Variants in PCDHGA2 observed in about 807,000 individuals in gnomAD.
PCDHGA2 encodes the protein protocadherin gamma subfamily A, 2.
A neutral mutation model predicts 59.2 loss-of-function variants in PCDHGA2; 40 were observed. That is an observed-to-expected ratio of 0.68 (90% CI 0.52 to 0.88). The LOEUF is 0.88. PCDHGA2 is among the 40% of genes least tolerant of loss of function. The pLI is 0.00. For missense variants in PCDHGA2, 1,226 were observed against 1,204.0 expected, an observed-to-expected ratio of 1.02 and a Z score of -0.27; for synonymous variants, 560 against 526.0, an observed-to-expected ratio of 1.06 and a Z score of -0.89.
chr5:141,356,781 C>A, intron 1 of PCDHGA2: 1 of 1,613,996 alleles, frequency 6.2e-7, no homozygotes, highest in African/African-American at 1.3e-5. Context: ...AGTTTAGAGA[C>A]CTGCAGCTGC....
intron 1 of PCDHGA2, chr5:141,371,329 G>A: frequency 6.2e-7 from 1 of 1,613,968 alleles, no homozygotes; most frequent in Non-Finnish European, 8.5e-7. Flanking sequence ...TTTGAAGAGA[G>A]AGATAGCTAC....
intron 1 of PCDHGA2, chr5:141,389,183 T>C: frequency 6.2e-7 from 1 of 1,613,988 alleles, no homozygotes. Context: ...TCTCCTCCAG[T>C]TCCAGCATCA....
chr5:141,366,382 T>C (rs1447635844), intron 1 of PCDHGA2: 2 of 1,614,012 alleles, frequency 1.2e-6, no homozygotes, highest in East Asian at 2.2e-5. Flanking sequence ...CCATTGACCC[T>C]GAGGATCTGG....
chr5:141,360,127 AG>A, intron 1 of PCDHGA2: 4 of 1,586,256 alleles, frequency 2.5e-6, no homozygotes, highest in Non-Finnish European at 2.6e-6. Context: ...GAGCAAAGGG[AG>A]CCAGAAGATG....
At chr5:141,459,245 C>G (rs1040972875) in intron 1 of PCDHGA2, among the ~76,000 whole-genome samples, 1 of 152,180 alleles carries the variant, frequency 6.6e-6, no homozygotes, top group African/African-American at 2.4e-5. Context: ...TGCTTCCTGT[C>G]ACTATAAATT....
chr5:141,437,434 G>A (rs183505868), intron 1 of PCDHGA2, among the ~76,000 whole-genome samples: 409 of 152,312 alleles, frequency 2.7e-3, no homozygotes, highest in Middle Eastern at 6.8e-3. Flanking sequence ...AGCAGCAATA[G>A]CATAGGAATG....
At chr5:141,404,978 G>T (rs373968137) in intron 1 of PCDHGA2, 2 of 1,613,976 alleles carry the variant, frequency 1.2e-6, no homozygotes, top group Non-Finnish European at 8.5e-7. Flanking sequence ...GGCTGACCTG[G>T]GCAGTCTTCA....
chr5:141,413,218 A>G, intron 1 of PCDHGA2: 1 of 1,613,610 alleles, frequency 6.2e-7, no homozygotes. Flanking sequence ...AAAGGATTGC[A>G]GCGGGCTGGT....
intron 1 of PCDHGA2, chr5:141,399,330 A>G: frequency 6.2e-7 from 1 of 1,613,994 alleles, no homozygotes; most frequent in South Asian, 1.1e-5. Flanking sequence ...ATAAGTTGGT[A>G]ACAGATGGAA....
intron 3 of PCDHGA2, among the ~76,000 whole-genome samples, chr5:141,506,564 G>A (rs984395438): frequency 5.3e-5 from 8 of 152,016 alleles, no homozygotes; most frequent in East Asian, 1.9e-4. Context: ...AAACCCCCTC[G>A]GTTTCACTTA....
chr5:141,395,124 C>T, intron 1 of PCDHGA2: 2 of 1,614,194 alleles, frequency 1.2e-6, no homozygotes, highest in Non-Finnish European at 1.7e-6. Context: ...CCTGATCTTT[C>T]CCCAGCCCAA....
chr5:141,355,444 G>C, intron 1 of PCDHGA2: 1 of 1,614,058 alleles, frequency 6.2e-7, no homozygotes, highest in Non-Finnish European at 8.5e-7. Flanking sequence ...CCCGCGCAGC[G>C]GCACCTTGGT....
At chr5:141,363,138 T>C (rs1359700757) in intron 1 of PCDHGA2, among the ~76,000 whole-genome samples, 1 of 152,214 alleles carries the variant, frequency 6.6e-6, no homozygotes, top group Non-Finnish European at 1.5e-5. Flanking sequence ...AAAGAGTGCA[T>C]TTAACAAATG....
chr5:141,489,297 G>T lies in PCDHGA2; in HGVS notation c.2425-5510G>T. On this transcript the variant is annotated intron_variant, in intron 1 of 3. Transcript: ENST00000394576. This position sits in a 1 kb window ranked among gnomAD's most constrained non-coding sequence, Gnocchi z 4.5. Reference sequence around the variant, plus strand: ...GGAAATGGCAAGTGCTGTGCATGTTGTCCTTGTGCTGCTGGGGCTGGGTGT... The same window carrying T: ...GGAAATGGCAAGTGCTGTGCATGTTTTCCTTGTGCTGCTGGGGCTGGGTGT... 1.9e-6 allele frequency: 3 copies of T among 1,583,774 alleles called. No homozygotes were observed. Among genetic ancestry groups the T allele is most frequent in the Non-Finnish European group, 8.6e-7 (1 of 1,164,904 alleles).
intron 1 of PCDHGA2, chr5:141,366,697 G>T (rs1220924698): frequency 1.2e-6 from 2 of 1,614,132 alleles, no homozygotes; most frequent in African/African-American, 2.7e-5. Flanking sequence ...AGAAAAGCGA[G>T]CCTCTTCTGA....
chr5:141,355,499 C>T (rs770091797), intron 1 of PCDHGA2: 1 of 1,614,044 alleles, frequency 6.2e-7, no homozygotes, highest in South Asian at 1.1e-5. Context: ...GACAGATCTC[C>T]AAACTGTGTG....
At chr5:141,375,619 G>A (rs373115950) in intron 1 of PCDHGA2, 123 of 1,614,098 alleles carry the variant, frequency 7.6e-5, no homozygotes, top group Non-Finnish European at 1.0e-4. Context: ...CCGACACTGG[G>A]ATTCTGTACG....
In PCDHGA2 at chr5:141,505,496, T is replaced by C; in HGVS notation, c.2572+15T>C. 6.2e-7 allele frequency: 1 copy of C among 1,614,148 alleles called. No homozygotes were observed. The highest frequency in any genetic ancestry group is 8.5e-7 in the Non-Finnish European group (1 of 1,180,004). ...GTCCGCCAGTGGTAAGTGGTGTCAGTGTGTGTATGGAAGAGTGGGAGACCT... is the reference window on the plus strand; with the variant it reads ...GTCCGCCAGTGGTAAGTGGTGTCAGCGTGTGTATGGAAGAGTGGGAGACCT... On this transcript the variant is annotated intron_variant, in intron 3 of 3. Transcript: ENST00000394576.
rs773303808 is a variant in PCDHGA2, at chr5:141,362,539, T to G, written c.2424+21144T>G. 6 of 1,613,828 alleles carry G rather than the reference T, an allele frequency of 3.7e-6. No homozygotes were observed. The Admixed American group carries it at 1.0e-4, about 27-fold the overall frequency. Reference sequence around the variant, plus strand: ...TGGAGCCGCTGGGGTCCCTTTTGCCTCAGATACTATTTTGAAGGTGAGCTT... The same window carrying G: ...TGGAGCCGCTGGGGTCCCTTTTGCCGCAGATACTATTTTGAAGGTGAGCTT... On this transcript the variant is annotated intron_variant, in intron 1 of 3. Transcript: ENST00000394576.
Sources: gnomAD v4.1 joint callset for allele counts (sites outside exome capture counted in the v4.1 genomes callset) on GRCh38, gnomAD v4.1.1 for gene constraint, Gnocchi (gnomAD v3.1) non-coding constraint, MANE v1.5 for transcripts, NCBI Gene and HGNC (gene_info 2026-07-23, HGNC 2026-07-21) for gene names.